NEGR1: variants seen among roughly 807,000 people sequenced by gnomAD.
The protein encoded by NEGR1 is IgLON family member 4.
Under a neutral mutation model 40.9 loss-of-function variants are expected in NEGR1, and 10 were observed. The ratio of observed to expected loss-of-function variants is 0.24; its 90% CI spans 0.15 to 0.42. NEGR1 has a LOEUF of 0.42. NEGR1 is among the 10% of genes least tolerant of loss of function. The pLI is 1.00. For synonymous variants in NEGR1, 185 were observed against 166.8 expected (o/e 1.11, Z -0.84); for missense variants, 352 against 438.9 (o/e 0.80, Z 1.77).
chr1:71,570,380 G>T (rs918538626), intron 6 of NEGR1, among the ~76,000 whole-genome samples: 17 of 152,078 alleles, frequency 1.1e-4, no homozygotes, highest in Admixed American at 3.3e-4. Context: ...TAGAAAAACT[G>T]CCCATGGTAC....
At chr1:72,223,128 T>C (rs1654065766) in intron 1 of NEGR1, among the ~76,000 whole-genome samples, 1 of 152,202 alleles carries the variant, frequency 6.6e-6, no homozygotes, top group Non-Finnish European at 1.5e-5. Flanking sequence ...CAAATAATTC[T>C]AGCCCCTAAC....
intron 2 of NEGR1, among the ~76,000 whole-genome samples, chr1:71,788,582 T>C (rs899333590): frequency 6.6e-6 from 1 of 152,138 alleles, no homozygotes; most frequent in African/African-American, 2.4e-5. Flanking sequence ...CAGATATTCT[T>C]AATTCTCTTT....
chr1:71,600,978 C>A (rs571107351), intron 5 of NEGR1, among the ~76,000 whole-genome samples: 1 of 152,186 alleles, frequency 6.6e-6, no homozygotes, highest in Non-Finnish European at 1.5e-5. Flanking sequence ...CCAGCCTCAG[C>A]CAGTGGCTTC....
intron 2 of NEGR1, among the ~76,000 whole-genome samples, chr1:71,805,631 T>G (rs1657740930): frequency 6.6e-6 from 1 of 152,220 alleles, no homozygotes; most frequent in Non-Finnish European, 1.5e-5. Context: ...AATGTTGTAT[T>G]TAGCTAGATA....
chr1:72,153,555 A>C (rs913747709), intron 1 of NEGR1, among the ~76,000 whole-genome samples: 3 of 151,900 alleles, frequency 2.0e-5, no homozygotes, highest in Non-Finnish European at 4.4e-5. Flanking sequence ...TATAGAACTG[A>C]AAGTCAGAAT....
At chr1:72,057,243 G>T (rs1406976397) in intron 1 of NEGR1, among the ~76,000 whole-genome samples, 1 of 151,506 alleles carries the variant, frequency 6.6e-6, no homozygotes, top group African/African-American at 2.4e-5. Flanking sequence ...GAAACTCCTT[G>T]TTAAATTTTT....
At chr1:71,554,888 C>A (rs558727574) in intron 6 of NEGR1, among the ~76,000 whole-genome samples, 38 of 151,440 alleles carry the variant, frequency 2.5e-4, no homozygotes, top group South Asian at 2.3e-3. Context: ...CACCAAAGTC[C>A]CAGAAATCCA....
intron 6 of NEGR1, among the ~76,000 whole-genome samples, chr1:71,463,973 C>T (rs529576388): frequency 6.6e-6 from 1 of 152,120 alleles, no homozygotes; most frequent in African/African-American, 2.4e-5. Context: ...AAATTGATTT[C>T]TCAGAACTGG....
At chr1:71,916,637 T>C (rs1462370461) in intron 2 of NEGR1, among the ~76,000 whole-genome samples, 4 of 152,146 alleles carry the variant, frequency 2.6e-5, no homozygotes, top group Non-Finnish European at 4.4e-5. Context: ...GTGCTTGTAA[T>C]CACAGCTACT....
intron 1 of NEGR1, among the ~76,000 whole-genome samples, chr1:72,038,134 A>G (rs1011287955): frequency 1.3e-5 from 2 of 152,144 alleles, no homozygotes; most frequent in Non-Finnish European, 2.9e-5. Context: ...CAAAGATGTT[A>G]GCCACTACGT....
intron 3 of NEGR1, among the ~76,000 whole-genome samples, chr1:71,774,443 A>G (rs1390964630): frequency 6.6e-6 from 1 of 152,206 alleles, no homozygotes; most frequent in Non-Finnish European, 1.5e-5. Flanking sequence ...ATATAAATAT[A>G]TATTGCAGAT....
chr1:72,098,753 G>A (rs1432202227), intron 1 of NEGR1, among the ~76,000 whole-genome samples: 1 of 152,046 alleles, frequency 6.6e-6, no homozygotes, highest in Non-Finnish European at 1.5e-5. Context: ...GCAGCCGTAG[G>A]AAGTCTATAG....
intron 4 of NEGR1, among the ~76,000 whole-genome samples, chr1:71,688,545 C>T (rs538224089): frequency 4.7e-5 from 7 of 148,962 alleles, no homozygotes; most frequent in African/African-American, 1.7e-4. Flanking sequence ...TGCAACCTCT[C>T]CCTCCCAGGT....
In NEGR1 at chr1:71,983,695, T is replaced by A. The variant is rs1461926741; in HGVS notation, c.177-48384A>T. ...AAATGAAAGATGTATAAAGAACAAA[T>A]GTCTGTGAGTCTCACAAATAGAGAT... is the stretch of plus-strand genomic sequence containing the variant. On this transcript the variant is annotated intron_variant, in intron 1 of 6. Coordinates refer to ENST00000357731, the MANE Select transcript of NEGR1 (RefSeq NM_173808.3). Among the ~76,000 whole-genome samples the A allele has an allele frequency of 2.6e-5, 4 of 152,164 alleles. No homozygotes were observed. The South Asian group carries it at 6.2e-4, about 24-fold the overall frequency.
intron 4 of NEGR1, among the ~76,000 whole-genome samples, chr1:71,664,593 G>C (rs1304618359): frequency 6.6e-6 from 1 of 151,784 alleles, no homozygotes; most frequent in Non-Finnish European, 1.5e-5. Flanking sequence ...TTGCTATTTT[G>C]TACTAAAATA....
chr1:72,152,404 A>G (rs1038361975), intron 1 of NEGR1, among the ~76,000 whole-genome samples: 5 of 151,944 alleles, frequency 3.3e-5, no homozygotes, highest in Non-Finnish European at 7.4e-5. Context: ...TGGAAGAAAT[A>G]CAAATCAAAA....
chr1:72,078,649 T>A lies in NEGR1; in HGVS notation c.177-143338A>T, dbSNP rs188427756. 5.5e-3 allele frequency among the ~76,000 whole-genome samples: 822 copies of A among 148,228 alleles called. 6 individuals are homozygous for A. Among genetic ancestry groups the A allele is most frequent in the African/African-American group, 0.017 (676 of 40,180 alleles). ...TATATATATATATATTTATTTATTT[T>A]TTTTTTTGAGATGGAGTTTCATTCT... On this transcript the variant is annotated intron_variant, in intron 1 of 6. Transcript: ENST00000357731.
In NEGR1 at chr1:71,731,626, C is replaced by T. The variant is rs375043651; in HGVS notation, c.536-33487G>A. 1.1e-4 allele frequency among the ~76,000 whole-genome samples: 17 copies of T among 152,190 alleles called. No individual in the cohort carries two copies. The East Asian group carries it at 3.1e-3, about 28-fold the overall frequency. ...AAATACAAATTTCCTTTAAAAAGCA[C>T]ACATCTTTTTTCTTGGCTGTTCATC... On this transcript the variant is annotated intron_variant, in intron 3 of 6. Transcript: ENST00000357731.
At chr1:71,847,480 A>AT (rs1482837222) in intron 2 of NEGR1, among the ~76,000 whole-genome samples, 10 of 152,022 alleles carry the variant, frequency 6.6e-5, no homozygotes, top group Admixed American at 2.0e-4. Context: ...TGTTTTAAGC[A>AT]TTTTCATAAT....
Sources: gnomAD v4.1 joint callset for allele counts (sites outside exome capture counted in the v4.1 genomes callset) on GRCh38, gnomAD v4.1.1 for gene constraint, MANE v1.5 for transcripts, NCBI Gene and HGNC (gene_info 2026-07-23, HGNC 2026-07-21) for gene names.